Variants in KIF4A observed in about 807,000 individuals in gnomAD.
KIF4A encodes the protein kinesin family member 4A, also known as chromosome-associated kinesin KIF4A.
Under a neutral mutation model 105.9 loss-of-function variants are expected in KIF4A, and 7 were observed. The observed-to-expected ratio is 0.07, with a 90% confidence interval of 0.04 to 0.12. KIF4A has a LOEUF of 0.12. Among genes scored for constraint, KIF4A ranks in the 10% least tolerant of loss-of-function variants. The probability of loss-of-function intolerance (pLI) is 1.00; values close to 1 mark genes in which losing one functional copy is unlikely to be tolerated. For missense variants in KIF4A, 558 were observed against 929.2 expected, an observed-to-expected ratio of 0.60 and a Z score of 5.19; for synonymous variants, 281 against 331.3, an observed-to-expected ratio of 0.85 and a Z score of 1.65.
chrX:70,335,266 T>G (rs1000297121), intron 10 of KIF4A, among the ~76,000 whole-genome samples: 1 of 112,499 alleles, frequency 8.9e-6, no homozygotes, highest in African/African-American at 3.2e-5. Context: ...ATTGAAGATA[T>G]GCTAAGTGAA....
chrX:70,420,007 G>A (rs2086360284), intron 30 of KIF4A, 55 bp from the exon 31 acceptor site: 1 of 1,119,586 alleles, frequency 8.9e-7, no homozygotes, highest in Non-Finnish European at 1.2e-6. Context: ...GCTCGGCTGG[G>A]CTGAGCTTCT....
intron 3 of KIF4A, among the ~76,000 whole-genome samples, chrX:70,293,649 T>A (rs1466527112): frequency 8.9e-6 from 1 of 112,363 alleles, no homozygotes; most frequent in Non-Finnish European, 1.9e-5. Context: ...GCTACAAACC[T>A]GCAAAGCATG....
intron 6 of KIF4A, 26 bp from the exon 7 acceptor site, chrX:70,302,278 A>T: frequency 1.7e-6 from 2 of 1,200,192 alleles, no homozygotes; most frequent in African/African-American, 1.7e-5. Context: ...TACCATTCTC[A>T]CTGTGTCTTC....
At chrX:70,290,384 A>G in intron 1 of KIF4A, 54 bp from the exon 2 acceptor site, 1 of 1,152,259 alleles carries the variant, frequency 8.7e-7, no homozygotes, top group Middle Eastern at 3.5e-4. Context: ...ACGCCCTCCC[A>G]CCCCTGCTGA....
chrX:70,416,160 C>T (rs1352979554), intron 28 of KIF4A, among the ~76,000 whole-genome samples: 1 of 109,608 alleles, frequency 9.1e-6, no homozygotes, highest in Non-Finnish European at 1.9e-5. Flanking sequence ...AGCCACTGCG[C>T]CCAGCCAGGA....
chrX:70,407,735 C>G (rs190846587), intron 28 of KIF4A, among the ~76,000 whole-genome samples: 33 of 111,950 alleles, frequency 2.9e-4, no homozygotes, highest in Admixed American at 3.8e-4. Flanking sequence ...AGTTTATAAA[C>G]CATTCTCATA....
chrX:70,299,051 A>G, intron 4 of KIF4A, 62 bp from the exon 5 acceptor site: 1 of 884,432 alleles, frequency 1.1e-6, no homozygotes, highest in East Asian at 3.2e-5. Flanking sequence ...CTATGATCTC[A>G]CCACCCAGAG....
At chrX:70,382,648 A>C (rs2086201571) in intron 18 of KIF4A, among the ~76,000 whole-genome samples, 1 of 111,304 alleles carries the variant, frequency 9.0e-6, no homozygotes, top group Non-Finnish European at 1.9e-5. Context: ...CATTGTAAAC[A>C]ATACCATCAA....
Position 70,404,731 on chromosome X carries a change from G to A in KIF4A, c.2807G>A (p.Ser936Asn). 1 of 1,205,415 alleles carries A rather than the reference G, an allele frequency of 8.3e-7. No homozygotes were observed. The change falls in exon 25 of 31, where the codon AGC becomes AAC. Residue 936 changes from serine (S) to asparagine (N), a missense_variant. Transcript: ENST00000374403. ...TTTCTCTAGGTGCTGTACCTTCTCA[G>A]CCAGCTGCAGCAAAGCCAAATGGCA... ...QHQEKVLYLL[S>N]QLQQSQMAEK...
intron 5 of KIF4A, among the ~76,000 whole-genome samples, chrX:70,300,592 A>G (rs2085800869): frequency 8.9e-6 from 1 of 111,739 alleles, no homozygotes; most frequent in Non-Finnish European, 1.9e-5. Flanking sequence ...GGATTAGAGG[A>G]TTTGGGCTGG....
chrX:70,389,072 A>G (rs942049449), intron 20 of KIF4A, among the ~76,000 whole-genome samples: 1 of 110,915 alleles, frequency 9.0e-6, no homozygotes, highest in Non-Finnish European at 1.9e-5. Context: ...GAGCAAAGTA[A>G]GATCCTGTCT....
chrX:70,380,955 C>A (rs1388176109), intron 18 of KIF4A, among the ~76,000 whole-genome samples: 1 of 110,859 alleles, frequency 9.0e-6, no homozygotes, highest in Admixed American at 9.7e-5. Context: ...TCGAGACCAG[C>A]CTGGCCAACA....
chrX:70,299,497 A>G (rs2085796435), intron 5 of KIF4A, among the ~76,000 whole-genome samples: 1 of 111,649 alleles, frequency 9.0e-6, no homozygotes, highest in Admixed American at 9.5e-5. Flanking sequence ...GTTAGCCACT[A>G]GCCACAAGTG....
intron 15 of KIF4A, among the ~76,000 whole-genome samples, chrX:70,369,309 A>T (rs1167674732): frequency 8.9e-6 from 1 of 112,196 alleles, no homozygotes; most frequent in African/African-American, 3.2e-5. Flanking sequence ...CCTCAGTTGG[A>T]AATGCAGAAA....
intron 7 of KIF4A, among the ~76,000 whole-genome samples, chrX:70,317,881 C>CTTT (rs113324526): frequency 1.3e-5 from 1 of 79,448 alleles, no homozygotes; most frequent in Non-Finnish European, 2.4e-5. Context: ...TTCTTTCTTT[C>CTTT]TTTTTTTTTT....
chrX:70,306,057 C>A (rs909354561), intron 7 of KIF4A, among the ~76,000 whole-genome samples: 10 of 111,598 alleles, frequency 9.0e-5, no homozygotes, highest in Non-Finnish European at 1.9e-4. Flanking sequence ...TAGGCTTTGA[C>A]CCATTTTGAG....
rs141890611 is a variant in KIF4A at position 70,303,633 on chromosome X, T to A, written c.778+1235T>A. Among the ~76,000 whole-genome samples the A allele has an allele frequency of 4.9e-3, 550 of 111,897 alleles. 7 individuals are homozygous for A. Among genetic ancestry groups the A allele is most frequent in the African/African-American group, 0.017 (533 of 30,854 alleles). On this transcript the variant is annotated intron_variant, in intron 7 of 30. Transcript: ENST00000374403. ...TGAGATTTAGCTTTCCTAAGACTAT[T>A]TTTAAAGGCTGTAATGCTTTCTTTA...
In KIF4A at chrX:70,391,951, T is replaced by A. The variant is rs1225284751; in HGVS notation, c.2233-3720T>A. Among the ~76,000 whole-genome samples the A allele has an allele frequency of 2.9e-4, 22 of 75,484 alleles. No individual in the cohort carries two copies. The East Asian group carries it at 0.015, about 51-fold the overall frequency. The allele number at this position is 75,484 out of a possible 115,157, so 65.5% of individuals were successfully genotyped here. On this transcript the variant is annotated intron_variant, in intron 20 of 30. Coordinates refer to ENST00000374403, the MANE Select transcript of KIF4A (RefSeq NM_012310.5). ...CATGTTACTACAAAGGATGTGATTT[T>A]GTTCTTTTTTTTATGGCTGTGTAAT... is the stretch of plus-strand genomic sequence containing the variant.
At chrX:70,402,358 A>G (rs748519832) in intron 22 of KIF4A, among the ~76,000 whole-genome samples, 56 of 112,694 alleles carry the variant, frequency 5.0e-4, no homozygotes, top group Non-Finnish European at 9.7e-4. Flanking sequence ...TTAATGGAAT[A>G]AAACCATTTA....
Sources: allele counts gnomAD v4.1 joint callset (sites outside exome capture counted in the v4.1 genomes callset), GRCh38; gene constraint gnomAD v4.1.1; transcripts MANE v1.5; gene names NCBI Gene and HGNC (gene_info 2026-07-23, HGNC 2026-07-21).